CSMD1: variants seen among roughly 807,000 people sequenced by gnomAD.
CSMD1 encodes CUB and sushi domain-containing protein 1.
A neutral mutation model predicts 417.5 loss-of-function variants in CSMD1; 213 were observed. That is an observed-to-expected ratio of 0.51 (90% CI 0.46 to 0.57). The LOEUF (loss-of-function observed/expected upper bound fraction) is 0.57, where lower values mean the gene tolerates loss of function less well. CSMD1 is among the 20% of genes least tolerant of loss of function. The pLI is 0.00. For missense variants in CSMD1, 6,923 were observed against 4,529.7 expected (o/e 1.53, Z -15.17); for synonymous variants, 2,862 against 1,736.8 (o/e 1.65, Z -16.11).
At chr8:4,696,080 T>G (rs1807111054) in intron 1 of CSMD1, among the ~76,000 whole-genome samples, 1 of 152,178 alleles carries the variant, frequency 6.6e-6, no homozygotes, top group Non-Finnish European at 1.5e-5. Context: ...CGGTATCTGG[T>G]TCATGATCAA....
At chr8:3,613,060 A>T (rs921174892) in intron 8 of CSMD1, among the ~76,000 whole-genome samples, 3 of 152,032 alleles carry the variant, frequency 2.0e-5, no homozygotes, top group African/African-American at 7.2e-5. Flanking sequence ...AAATTTTTTT[A>T]AAAATATGAA....
intron 10 of CSMD1, among the ~76,000 whole-genome samples, chr8:3,569,022 T>G (rs76368426): frequency 0.031 from 4,680 of 152,264 alleles, 234 homozygotes; most frequent in Admixed American, 0.13. Context: ...TGAAAATAGC[T>G]GGATTGTCAA....
chr8:3,876,947 T>C (rs189600927), intron 5 of CSMD1, among the ~76,000 whole-genome samples: 153 of 152,326 alleles, frequency 1.0e-3, no homozygotes, highest in African/African-American at 3.5e-3. Flanking sequence ...ATGATTTATT[T>C]AGAAGCACAA....
At chr8:4,483,908 G>A (rs1168367959) in intron 2 of CSMD1, among the ~76,000 whole-genome samples, 1 of 152,164 alleles carries the variant, frequency 6.6e-6, no homozygotes, top group East Asian at 1.9e-4. Flanking sequence ...TGCTTATTCA[G>A]GCCAAGCATC....
chr8:3,090,299 A>G (rs1285096404), intron 48 of CSMD1, among the ~76,000 whole-genome samples: 1 of 128,008 alleles, frequency 7.8e-6, no homozygotes, highest in Non-Finnish European at 1.6e-5. Flanking sequence ...CCTGGGCAAC[A>G]GAGCCAGACT....
chr8:4,959,676 C>A (rs985217588), intron 1 of CSMD1, among the ~76,000 whole-genome samples: 1 of 152,226 alleles, frequency 6.6e-6, no homozygotes, highest in Admixed American at 6.5e-5. Context: ...GCTTGTCTAA[C>A]TTTGATCAAA....
At chr8:4,687,512 T>G (rs1380396093) in intron 1 of CSMD1, among the ~76,000 whole-genome samples, 1 of 152,178 alleles carries the variant, frequency 6.6e-6, no homozygotes, top group Non-Finnish European at 1.5e-5. Context: ...GAAGACACGA[T>G]CTCTGGGAAG....
At chr8:4,703,758 C>G (rs915030381) in intron 1 of CSMD1, among the ~76,000 whole-genome samples, 6 of 152,046 alleles carry the variant, frequency 3.9e-5, no homozygotes, top group African/African-American at 9.7e-5. Context: ...ATCCAGAGTA[C>G]AGATACAGAA....
Position 3,905,222 on chromosome 8 carries a change from A to G in CSMD1, c.818+92681T>C, listed in dbSNP as rs1808037011. On this transcript the variant is annotated intron_variant, in intron 5 of 69. Transcript: ENST00000635120. ...AAAGATAATATTTTTTCTGCATAAT[A>G]TAATTTTTCAAACAAAGGAATATTT... Among the ~76,000 whole-genome samples, 3 of 152,218 alleles carry G rather than the reference A, an allele frequency of 2.0e-5. No individual in the cohort carries two copies. The South Asian group carries it at 6.2e-4, about 32-fold the overall frequency.
chr8:4,049,380 T>C (rs58979716), intron 3 of CSMD1, among the ~76,000 whole-genome samples: 44,323 of 151,528 alleles, frequency 0.29, 7,107 homozygotes, highest in East Asian at 0.52. Flanking sequence ...CAAAAATCTC[T>C]GCAGACATTG....
intron 1 of CSMD1, among the ~76,000 whole-genome samples, chr8:4,661,365 G>C (rs1477178821): frequency 2.0e-5 from 3 of 152,158 alleles, no homozygotes; most frequent in Admixed American, 6.5e-5. Context: ...AGAGAACTAG[G>C]CTGAGTATAC....
At chr8:3,452,466 G>C (rs939587930) in intron 12 of CSMD1, among the ~76,000 whole-genome samples, 3 of 151,996 alleles carry the variant, frequency 2.0e-5, no homozygotes, top group Non-Finnish European at 4.4e-5. Flanking sequence ...TCATAGATAG[G>C]TTTTATTATT....
At chr8:3,792,445 C>T (rs552582726) in intron 5 of CSMD1, among the ~76,000 whole-genome samples, 2 of 152,170 alleles carry the variant, frequency 1.3e-5, no homozygotes, top group Non-Finnish European at 2.9e-5. Flanking sequence ...CAAAACTGAA[C>T]AAGATGAGGA....
At chr8:3,447,813 T>C (rs1815396263) in intron 12 of CSMD1, among the ~76,000 whole-genome samples, 1 of 152,158 alleles carries the variant, frequency 6.6e-6, no homozygotes, top group Admixed American at 6.5e-5. Flanking sequence ...GCAGGACCAC[T>C]TGGGGCCATT....
chr8:3,021,577 C>G (rs554192138), intron 51 of CSMD1, among the ~76,000 whole-genome samples: 1 of 152,220 alleles, frequency 6.6e-6, no homozygotes, highest in Non-Finnish European at 1.5e-5. Context: ...TTCCTCTGAA[C>G]TCTGGGAGCA....
intron 4 of CSMD1, among the ~76,000 whole-genome samples, chr8:4,012,953 C>T (rs1214859985): frequency 6.6e-6 from 1 of 152,124 alleles, no homozygotes; most frequent in Non-Finnish European, 1.5e-5. Context: ...ATGTGTCTGG[C>T]CATCTCCTCT....
At chr8:3,867,551 G>A (rs368335667) in intron 5 of CSMD1, among the ~76,000 whole-genome samples, 1 of 152,144 alleles carries the variant, frequency 6.6e-6, no homozygotes, top group Non-Finnish European at 1.5e-5. Flanking sequence ...GCTAGTGAGA[G>A]ACGTCTAATC....
intron 5 of CSMD1, among the ~76,000 whole-genome samples, chr8:3,800,812 C>G (rs1800413986): frequency 6.6e-6 from 1 of 152,178 alleles, no homozygotes; most frequent in East Asian, 1.9e-4. Flanking sequence ...TGCCCACTTC[C>G]CCTTTGACCT....
intron 51 of CSMD1, among the ~76,000 whole-genome samples, chr8:3,022,248 C>G (rs997305634): frequency 6.6e-6 from 1 of 151,282 alleles, no homozygotes; most frequent in Non-Finnish European, 1.5e-5. Flanking sequence ...CCCACAGCAT[C>G]TGGAATGCAC....
Sources: gnomAD v4.1 joint callset for allele counts (sites outside exome capture counted in the v4.1 genomes callset) on GRCh38, gnomAD v4.1.1 for gene constraint, MANE v1.5 for transcripts, NCBI Gene and HGNC (gene_info 2026-07-23, HGNC 2026-07-21) for gene names.